The following BCAR3 variants were observed in gnomAD, a reference collection of about 807,000 sequenced individuals.
BCAR3 encodes the protein BCAR3 adaptor protein, NSP family member.
A neutral mutation model predicts 80.1 loss-of-function variants in BCAR3; 37 were observed. The observed-to-expected ratio is 0.46, with a 90% CI of 0.36 to 0.61. The LOEUF is 0.61. Among genes scored for constraint, BCAR3 ranks in the 20% least tolerant of loss-of-function variants. The pLI is 0.00. For missense variants in BCAR3, 978 were observed against 1,068.2 expected (o/e 0.92, Z 1.18); for synonymous variants, 389 against 418.9 (o/e 0.93, Z 0.87).
At chr1:93,769,236 A>G (rs942645462) in intron 2 of BCAR3, among the ~76,000 whole-genome samples, 3 of 152,244 alleles carry the variant, frequency 2.0e-5, no homozygotes, top group African/African-American at 7.2e-5. Flanking sequence ...GGATTGCTGC[A>G]TAAGCAGCTC....
intron 2 of BCAR3, among the ~76,000 whole-genome samples, chr1:93,673,905 A>G (rs1292260577): frequency 6.6e-6 from 1 of 152,270 alleles, no homozygotes; most frequent in Non-Finnish European, 1.5e-5. Context: ...ATGCTATGAT[A>G]AAAAGAAAAT....
chr1:93,707,575 C>T lies in BCAR3; in HGVS notation c.-62-1433G>A, dbSNP rs904302556. Reference sequence around the variant, plus strand: ...TACAAAAATTAGCCAGGTGTGGTGGCGCGTGCCTGTAATCCCAGCTACTCA... The same window carrying T: ...TACAAAAATTAGCCAGGTGTGGTGGTGCGTGCCTGTAATCCCAGCTACTCA... On this transcript the variant is annotated intron_variant, in intron 2 of 13. Coordinates refer to the BCAR3 transcript ENST00000370244. 5.3e-5 allele frequency among the ~76,000 whole-genome samples: 8 copies of T among 152,092 alleles called. No individual in the cohort carries two copies. In the South Asian group the frequency reaches 1.5e-3, roughly 28 times the overall value.
chr1:93,799,394 G>C (rs1653398681), intron 2 of BCAR3, among the ~76,000 whole-genome samples: 1 of 152,188 alleles, frequency 6.6e-6, no homozygotes, highest in Non-Finnish European at 1.5e-5. Context: ...TTTCAACAAT[G>C]CATGTAAAGA....
At position 93,726,984 on chromosome 1, in the gene BCAR3, T is replaced by C. The variant is rs1320341837; in HGVS notation, c.-62-20842A>G. 2.0e-5 allele frequency among the ~76,000 whole-genome samples: 3 copies of C among 152,238 alleles called. No homozygotes were observed. The East Asian group carries it at 5.8e-4, about 29-fold the overall frequency. On this transcript the variant is annotated intron_variant, in intron 2 of 13. Transcript: ENST00000370244. ...TTTATGACTCCTTTCATCTTTTCTC[T>C]TGGGTTGTCTTTTTGATTTGTAGAA...
chr1:93,600,600 A>G (rs1674591944), intron 3 of BCAR3: 1 of 152,240 alleles, frequency 6.6e-6, no homozygotes, highest in African/African-American at 2.4e-5. Flanking sequence ...TCATAAGTCA[A>G]GTAATGCCTT....
chr1:93,732,730 C>T (rs150357840), intron 2 of BCAR3, among the ~76,000 whole-genome samples: 482 of 152,326 alleles, frequency 3.2e-3, no homozygotes, highest in African/African-American at 0.011. Flanking sequence ...GAGATCCCAC[C>T]GTCCTTCAGC....
At chr1:93,837,353 G>T (rs981914132) in intron 2 of BCAR3, among the ~76,000 whole-genome samples, 1 of 152,220 alleles carries the variant, frequency 6.6e-6, no homozygotes, top group Non-Finnish European at 1.5e-5. Context: ...CAGTTGCTCT[G>T]TGTTTTGTGT....
intron 2 of BCAR3, among the ~76,000 whole-genome samples, chr1:93,646,996 T>G (rs917069513): frequency 2.6e-5 from 4 of 152,204 alleles, no homozygotes; most frequent in African/African-American, 9.6e-5. Flanking sequence ...CTAAGGTTAT[T>G]ATTTGATATT....
upstream of BCAR3, among the ~76,000 whole-genome samples, chr1:93,685,275 G>T (rs1433290264): frequency 6.6e-6 from 1 of 152,048 alleles, no homozygotes; most frequent in Non-Finnish European, 1.5e-5. Flanking sequence ...TCTCCCATCT[G>T]CCCAGACCCC....
intron 2 of BCAR3, among the ~76,000 whole-genome samples, chr1:93,812,976 T>C (rs1476874536): frequency 6.6e-6 from 1 of 152,234 alleles, no homozygotes; most frequent in Admixed American, 6.5e-5. Flanking sequence ...TTTTTACTGT[T>C]AACATTTCCC....
chr1:93,718,375 C>T (rs894543771), intron 2 of BCAR3, among the ~76,000 whole-genome samples: 10 of 152,162 alleles, frequency 6.6e-5, no homozygotes, highest in African/African-American at 9.7e-5. Context: ...GGTGAGAAAG[C>T]GCTGGCATGT....
chr1:93,573,920 C>T (rs181626950), intron 8 of BCAR3, among the ~76,000 whole-genome samples: 6 of 152,174 alleles, frequency 3.9e-5, no homozygotes, highest in East Asian at 1.9e-4. Flanking sequence ...TGAGCCACCA[C>T]GCCCAGCTGT....
intron 2 of BCAR3, among the ~76,000 whole-genome samples, chr1:93,718,522 C>G (rs1054383929): frequency 6.6e-6 from 1 of 152,072 alleles, no homozygotes; most frequent in African/African-American, 2.4e-5. Flanking sequence ...ACATGCACTA[C>G]TTCACACCTC....
chr1:93,709,913 G>T (rs769009701), intron 2 of BCAR3, among the ~76,000 whole-genome samples: 1 of 152,074 alleles, frequency 6.6e-6, no homozygotes, highest in Admixed American at 6.5e-5. Context: ...ATTTTTAAAA[G>T]AAAAATAGAA....
chr1:93,836,681 T>C (rs1006809833), intron 2 of BCAR3, among the ~76,000 whole-genome samples: 2 of 152,072 alleles, frequency 1.3e-5, no homozygotes, highest in Non-Finnish European at 2.9e-5. Flanking sequence ...AAGACAGGAA[T>C]GTCAGGCCTG....
intron 2 of BCAR3, among the ~76,000 whole-genome samples, chr1:93,806,404 A>G (rs776429855): frequency 6.6e-6 from 1 of 152,202 alleles, no homozygotes; most frequent in African/African-American, 2.4e-5. Flanking sequence ...ACTAACATGG[A>G]AAGTGAGGGG....
intron 2 of BCAR3, among the ~76,000 whole-genome samples, chr1:93,786,325 G>T (rs548356945): frequency 6.6e-6 from 1 of 151,532 alleles, no homozygotes; most frequent in African/African-American, 2.4e-5. Flanking sequence ...GGACCATGTT[G>T]ACAGGAACCA....
intron 2 of BCAR3, among the ~76,000 whole-genome samples, chr1:93,806,873 T>A (rs2100797296): frequency 6.6e-6 from 1 of 152,292 alleles, no homozygotes. Flanking sequence ...ATTCCAGCAC[T>A]TTGGGAAGCA....
At chr1:93,665,693 C>A (rs1647874413) in intron 2 of BCAR3, among the ~76,000 whole-genome samples, 1 of 152,214 alleles carries the variant, frequency 6.6e-6, no homozygotes, top group African/African-American at 2.4e-5. Context: ...ATAATTCCAA[C>A]CGCCTGTCTG....
Sources: allele counts gnomAD v4.1 joint callset (sites outside exome capture counted in the v4.1 genomes callset), GRCh38; gene constraint gnomAD v4.1.1; transcripts MANE v1.5; gene names NCBI Gene and HGNC (gene_info 2026-07-23, HGNC 2026-07-21).